EIF5B: variants seen among roughly 807,000 people sequenced by gnomAD.
EIF5B encodes eukaryotic translation initiation factor 5B, also known as eIF-5B.
A neutral mutation model predicts 147.5 loss-of-function variants in EIF5B; 47 were observed. The observed-to-expected ratio is 0.32, with a 90% confidence interval of 0.25 to 0.41. EIF5B has a LOEUF of 0.41. EIF5B is among the 10% of genes least tolerant of loss of function. The pLI is 1.00. For missense variants in EIF5B, 1,064 were observed against 1,413.2 expected (o/e 0.75, Z 3.96); for synonymous variants, 455 against 456.2 (o/e 1.00, Z 0.03).
At chr2:99,395,777 G>C (rs1675031413) in intron 21 of EIF5B, among the ~76,000 whole-genome samples, 1 of 152,188 alleles carries the variant, frequency 6.6e-6, no homozygotes, top group African/African-American at 2.4e-5. Flanking sequence ...TCTTCAGACA[G>C]AGTAAGCCAC....
chr2:99,344,442 GTT>G (rs70940168), intron 1 of EIF5B, among the ~76,000 whole-genome samples: 29 of 139,150 alleles, frequency 2.1e-4, no homozygotes, highest in South Asian at 4.4e-4. Context: ...TTGTTTCTGG[GTT>G]TTTTTTTTTT....
At chr2:99,385,029 C>A (rs554332683) in intron 14 of EIF5B, among the ~76,000 whole-genome samples, 2 of 152,122 alleles carry the variant, frequency 1.3e-5, no homozygotes, top group Non-Finnish European at 1.5e-5. Context: ...CTCTAAGCAG[C>A]ATTACATGCT....
rs1674271563 is a variant in EIF5B, at chr2:99,363,849, A to G, written c.1124A>G (p.Lys375Arg). 6.2e-7 allele frequency: 1 copy of G among 1,605,442 alleles called. No individual in the cohort carries two copies. Among genetic ancestry groups the G allele is most frequent in the African/African-American group, 1.3e-5 (1 of 74,220 alleles). Reference sequence around the variant, plus strand: ...AAACGGCTTGAAGAATTAGAAGCCAAGCGTAAAGAAGAGGTATGTTTTCAT... The same window carrying G: ...AAACGGCTTGAAGAATTAGAAGCCAGGCGTAAAGAAGAGGTATGTTTTCAT... ...RIKRLEELEA[K>R]RKEEERLEQE... Residue 375 changes from lysine to arginine, a missense_variant, in exon 5 of 24, where the codon AAG becomes AGG. Around this residue, in one of 4 missense-constraint regions of EIF5B, gnomAD observed 458 missense variants for 451.3 expected, o/e 1.01. Coordinates refer to ENST00000289371, the MANE Select transcript of EIF5B (RefSeq NM_015904.4).
rs536276246 is a variant in EIF5B at position 99,353,245 on chromosome 2, C to T, written c.36-6991C>T. The stretch of plus-strand genomic sequence containing the variant: ...GGCCAGGCTGGTCTCAAACTCCTGA[C>T]CTTGTGATCCGCCAGCCTCGGCCTC... On this transcript the variant is annotated intron_variant, in intron 1 of 23. Coordinates refer to ENST00000289371, the MANE Select transcript of EIF5B (RefSeq NM_015904.4). Among the ~76,000 whole-genome samples, 4 of 152,146 alleles carry T rather than the reference C, an allele frequency of 2.6e-5. No homozygotes were observed. In the East Asian group the frequency reaches 5.8e-4, roughly 22 times the overall value.
At chr2:99,376,866 C>T (rs1307582124) in intron 10 of EIF5B, among the ~76,000 whole-genome samples, 1 of 152,094 alleles carries the variant, frequency 6.6e-6, no homozygotes, top group Non-Finnish European at 1.5e-5. Context: ...TCATTTTTTT[C>T]TTGTTTTCTC....
intron 1 of EIF5B, among the ~76,000 whole-genome samples, chr2:99,356,725 T>A (rs144721231): frequency 0.011 from 1,672 of 152,296 alleles, 9 homozygotes; most frequent in Middle Eastern, 0.024. Context: ...CAGGCTTGTT[T>A]TGTCTGTGTC....
At chr2:99,341,588 G>T (rs989058761) in intron 1 of EIF5B, among the ~76,000 whole-genome samples, 2 of 152,172 alleles carry the variant, frequency 1.3e-5, no homozygotes, top group African/African-American at 4.8e-5. Flanking sequence ...CAGTGGTTAG[G>T]TTAGAATAGC....
At chr2:99,391,281 GGAA>G (rs1180031885) in intron 17 of EIF5B, among the ~76,000 whole-genome samples, 3 of 152,282 alleles carry the variant, frequency 2.0e-5, no homozygotes, top group East Asian at 3.9e-4. Context: ...AAGCTGAGAG[GGAA>G]GAAGGAGAGG....
intron 8 of EIF5B, among the ~76,000 whole-genome samples, chr2:99,371,316 G>A (rs999803518): frequency 4.0e-5 from 6 of 151,860 alleles, no homozygotes; most frequent in Non-Finnish European, 5.9e-5. Context: ...GTGAAACCCC[G>A]TCTCTACTAA....
chr2:99,367,774 G>A, intron 6 of EIF5B, among the ~76,000 whole-genome samples: 1 of 152,058 alleles, frequency 6.6e-6, no homozygotes, highest in Non-Finnish European at 1.5e-5. Flanking sequence ...CTGCATTAGT[G>A]GTGGGAATGC....
intron 1 of EIF5B, among the ~76,000 whole-genome samples, chr2:99,351,694 TTTTG>T (rs1553533893): frequency 1.3e-5 from 2 of 152,080 alleles, no homozygotes; most frequent in Non-Finnish European, 1.5e-5. Context: ...TGTGTTTTTT[TTTTG>T]TTTGTTTGTT....
At chr2:99,390,934 A>C (rs1160043597) in intron 17 of EIF5B, among the ~76,000 whole-genome samples, 2 of 152,124 alleles carry the variant, frequency 1.3e-5, no homozygotes, top group African/African-American at 2.4e-5. Flanking sequence ...TCTAAACTAC[A>C]CTGTTATGGT....
intron 1 of EIF5B, among the ~76,000 whole-genome samples, chr2:99,356,550 T>G (rs541194864): frequency 6.6e-6 from 1 of 152,364 alleles, no homozygotes; most frequent in South Asian, 2.1e-4. Context: ...ATTAATTTGT[T>G]GCTCCCATTG....
At chr2:99,341,537 A>G (rs957064962) in intron 1 of EIF5B, among the ~76,000 whole-genome samples, 4 of 152,124 alleles carry the variant, frequency 2.6e-5, no homozygotes, top group East Asian at 1.9e-4. Flanking sequence ...CAGTTGATCT[A>G]TAAGGTGGGC....
Position 99,376,547 on chromosome 2 carries a change from A to G in EIF5B, c.1753A>G (p.Lys585Glu). 6.2e-7 allele frequency: 1 copy of G among 1,614,104 alleles called. No individual in the cohort carries two copies. Among genetic ancestry groups the G allele is most frequent in the Non-Finnish European group, 8.5e-7 (1 of 1,179,992 alleles). ...SGKTLDKKPS[K>E]EMSSDSEYDS... Reference sequence around the variant, plus strand: ...GAAGACATTAGATAAAAAGCCAAGTAAAGAAATGAGCTCAGATTCTGAATA... The same window carrying G: ...GAAGACATTAGATAAAAAGCCAAGTGAAGAAATGAGCTCAGATTCTGAATA... Residue 585 changes from lysine to glutamate, a missense_variant, in exon 10 of 24, where the codon AAA becomes GAA. This residue lies in a region of EIF5B where 195 missense variants were observed against 186.3 expected (regional missense o/e 1.05). Transcript: ENST00000289371.
intron 17 of EIF5B, among the ~76,000 whole-genome samples, chr2:99,392,534 G>A (rs1674959660): frequency 6.6e-6 from 1 of 152,076 alleles, no homozygotes; most frequent in Non-Finnish European, 1.5e-5. Flanking sequence ...TGGATGTTAG[G>A]TTTTAAATTT....
intron 13 of EIF5B, 55 bp downstream of exon 13, chr2:99,382,281 C>G: frequency 6.7e-7 from 1 of 1,503,556 alleles, no homozygotes; most frequent in Non-Finnish European, 9.2e-7. Context: ...ACCATTAAGT[C>G]TAAAAGTTCA....
At chr2:99,389,544 A>G in intron 14 of EIF5B, 174 bp from the exon 15 acceptor site, 2 of 438,532 alleles carry the variant, frequency 4.6e-6, no homozygotes. Flanking sequence ...TTCTAATTTA[A>G]GAGCAGGTGC....
intron 8 of EIF5B, among the ~76,000 whole-genome samples, chr2:99,370,633 TCTCA>T (rs1194293166): frequency 6.6e-6 from 1 of 152,176 alleles, no homozygotes; most frequent in Non-Finnish European, 1.5e-5. Context: ...GGTACCTGAG[TCTCA>T]TTTCCTCCTC....
Sources: allele counts gnomAD v4.1 joint callset (sites outside exome capture counted in the v4.1 genomes callset), GRCh38; gene constraint gnomAD v4.1.1; regional missense constraint gnomAD v4.1.1; transcripts MANE v1.5; gene names NCBI Gene and HGNC (gene_info 2026-07-23, HGNC 2026-07-21).